The following THUMPD3 variants were observed in gnomAD, a reference collection of about 807,000 sequenced individuals.
The protein encoded by THUMPD3 is THUMP domain 3 tRNA guanosine methyltransferase, also known as tRNA (guanine(6)-N(2))-methyltransferase THUMP3.
In THUMPD3, 44 loss-of-function variants were observed where a neutral mutation model predicts 54.5. That is an observed-to-expected ratio of 0.81 (90% CI 0.63 to 1.04). THUMPD3 has a LOEUF of 1.04. THUMPD3 is among the 50% of genes least tolerant of loss of function. The pLI is 0.00. For missense variants in THUMPD3, 604 were observed against 601.3 expected, an observed-to-expected ratio of 1.00 and a Z score of -0.05; for synonymous variants, 196 against 201.4, an observed-to-expected ratio of 0.97 and a Z score of 0.23.
chr3:9,378,795 TAA>T (rs1236014146), intron 6 of THUMPD3, among the ~76,000 whole-genome samples: 17 of 152,164 alleles, frequency 1.1e-4, no homozygotes, highest in Admixed American at 1.1e-3. Flanking sequence ...TACTGTGGCT[TAA>T]AGAGACTGCA....
Position 9,385,301 on chromosome 3 carries a change from C to G in THUMPD3, c.*613C>G, listed in dbSNP as rs1231205586. The stretch of plus-strand genomic sequence containing the variant: ...ACATTTTATTTTCAGGCTTTATGGC[C>G]TATTTTCCATTGTGTCAAGTGCAAA... On this transcript the variant is annotated 3_prime_UTR_variant, in exon 10 of 10. Coordinates refer to ENST00000452837, the MANE Select transcript of THUMPD3 (RefSeq NM_001114092.2). The G allele has an allele frequency of 6.6e-6, 1 of 152,256 alleles. No homozygotes were observed. Among genetic ancestry groups the G allele is most frequent in the South Asian group, 2.1e-4 (1 of 4,830 alleles). 9.4% of individuals were successfully genotyped at this position (152,256 alleles called of 1,614,324 possible).
chr3:9,367,845 C>T (rs922965685), intron 3 of THUMPD3, among the ~76,000 whole-genome samples: 1 of 152,104 alleles, frequency 6.6e-6, no homozygotes, highest in Non-Finnish European at 1.5e-5. Context: ...GCGGGTGGAT[C>T]ATGAGGTCAG....
intron 3 of THUMPD3, among the ~76,000 whole-genome samples, chr3:9,367,626 C>CT (rs770111194): frequency 5.3e-5 from 8 of 152,116 alleles, no homozygotes; most frequent in Non-Finnish European, 1.0e-4. Context: ...TAGAAATAAT[C>CT]TTTTTAAAAA....
rs929857927 is a variant in THUMPD3 at position 9,384,927 on chromosome 3, C to T, written c.*239C>T. ...TTAGGAAGCCGAAGTGTGCAGATCA[C>T]CTGAGGTCCGGAGACCAGCCTGGCC... On this transcript the variant is annotated 3_prime_UTR_variant, in exon 10 of 10. Coordinates refer to ENST00000452837, the MANE Select transcript of THUMPD3 (RefSeq NM_001114092.2). 7 of 436,382 alleles carry T rather than the reference C, an allele frequency of 1.6e-5. 1 individual carries two copies. Among genetic ancestry groups the T allele is most frequent in the Admixed American group, 1.1e-4 (3 of 26,568 alleles). The allele number at this position is 436,382 out of a possible 1,614,324, so 27.0% of individuals were successfully genotyped here.
In THUMPD3 at chr3:9,384,577, C is replaced by T. The variant is rs1308341649; in HGVS notation, c.1413C>T (p.Asn471=). The change falls in exon 10 of 10, where the codon AAC becomes AAT. Residue 471 remains asparagine (N), a synonymous_variant. Transcript: ENST00000452837. ...GAAAGGTGGATACAGTCTGGGTGAACGTTGGTGGTCTTCGTGCTGCAGTTT... is the reference window on the plus strand; with the variant it reads ...GAAAGGTGGATACAGTCTGGGTGAATGTTGGTGGTCTTCGTGCTGCAGTTT... The part of the protein sequence containing the change: ...VWRKVDTVWV[N]VGGLRAAVYV... The T allele has an allele frequency of 1.3e-5, 21 of 1,613,990 alleles. No individual in the cohort carries two copies. In the East Asian group the frequency reaches 3.8e-4, roughly 29 times the overall value.
At chr3:9,380,375 A>G (rs578080008) in intron 6 of THUMPD3, 128 bp from the exon 7 acceptor site, 5 of 625,512 alleles carry the variant, frequency 8.0e-6, no homozygotes, top group African/African-American at 5.6e-5. Context: ...AGCCAGGGAA[A>G]TAGCACAGTT....
chr3:9,372,346 G>A (rs1273326619), intron 4 of THUMPD3, among the ~76,000 whole-genome samples: 2 of 152,112 alleles, frequency 1.3e-5, no homozygotes, highest in East Asian at 1.9e-4. Flanking sequence ...GAGGGAGGCC[G>A]AGGCAGGTGG....
At position 9,384,105 on chromosome 3, in the gene THUMPD3, A is replaced by G. The variant is rs984533953; in HGVS notation, c.1236-107A>G. 9 of 1,237,622 alleles carry G rather than the reference A, an allele frequency of 7.3e-6. No individual in the cohort carries two copies. In the South Asian group the frequency reaches 1.0e-4, roughly 14 times the overall value. The allele number at this position is 1,237,622 out of a possible 1,614,324, so 76.7% of individuals were successfully genotyped here. A position where few individuals can be genotyped will look rare whatever the true frequency, so the allele number is the denominator to read the frequency against. On this transcript the variant is annotated intron_variant, in intron 8 of 9. Coordinates refer to ENST00000452837, the MANE Select transcript of THUMPD3 (RefSeq NM_001114092.2). ...TGGCAAAGGTCTGGTTTCTAAAACT[A>G]CAGCTATTTTTCATGCCTCAGGATG... is the stretch of plus-strand genomic sequence containing the variant.
intron 7 of THUMPD3, 196 bp from the exon 8 acceptor site, chr3:9,383,003 A>AT: frequency 2.2e-6 from 1 of 460,336 alleles, no homozygotes; most frequent in Non-Finnish European, 4.0e-6. Context: ...TGCTGATTAT[A>AT]GGCACAAGCT....
intron 7 of THUMPD3, among the ~76,000 whole-genome samples, chr3:9,381,702 C>T (rs1452797051): frequency 8.6e-6 from 1 of 116,084 alleles, no homozygotes; most frequent in Non-Finnish European, 1.7e-5. Flanking sequence ...ACGTACCTTT[C>T]TAGCTTCTGA....
At chr3:9,373,312 G>A (rs2032204303) in intron 4 of THUMPD3, among the ~76,000 whole-genome samples, 2 of 151,992 alleles carry the variant, frequency 1.3e-5, no homozygotes, top group Admixed American at 1.3e-4. Flanking sequence ...AGGCGACATA[G>A]GGAGACCCTG....
chr3:9,371,859 A>G (rs769889059), intron 4 of THUMPD3, among the ~76,000 whole-genome samples: 2 of 152,182 alleles, frequency 1.3e-5, no homozygotes, highest in African/African-American at 2.4e-5. Flanking sequence ...GATGGAAGCC[A>G]TCAAGGTTGA....
At chr3:9,367,948 C>G (rs2031695187) in intron 3 of THUMPD3, among the ~76,000 whole-genome samples, 1 of 151,816 alleles carries the variant, frequency 6.6e-6, no homozygotes, top group Admixed American at 6.6e-5. Context: ...GCCTGTAGTC[C>G]CAGCTACTCA....
rs780367132 is a variant in THUMPD3 at position 9,377,780 on chromosome 3, T to C, written c.939-39T>C. Reference sequence around the variant, plus strand: ...ATCATCAGTATAGAAGCCTCAGCTTTTGAGTGAGTCTTCACATAGGCTGTT... The same window carrying C: ...ATCATCAGTATAGAAGCCTCAGCTTCTGAGTGAGTCTTCACATAGGCTGTT... On this transcript the variant is annotated intron_variant, in intron 5 of 9. Transcript: ENST00000452837. 2.6e-6 allele frequency: 4 copies of C among 1,530,314 alleles called. No individual in the cohort carries two copies. In the East Asian group the frequency reaches 9.0e-5, roughly 34 times the overall value. The allele number at this position is 1,530,314 out of a possible 1,614,324, so 94.8% of individuals were successfully genotyped here.
chr3:9,368,417 C>T (rs1206445603), intron 3 of THUMPD3, among the ~76,000 whole-genome samples: 4 of 144,140 alleles, frequency 2.8e-5, no homozygotes, highest in African/African-American at 5.2e-5. Context: ...GGCTGGAGTG[C>T]AGTGGCACAA....
At chr3:9,374,258 A>C (rs1196986016) in intron 4 of THUMPD3, among the ~76,000 whole-genome samples, 1 of 152,202 alleles carries the variant, frequency 6.6e-6, no homozygotes, top group Non-Finnish European at 1.5e-5. Context: ...TTTATAACAC[A>C]AACATATTTT....
At chr3:9,369,932 A>ATG (rs957160353) in intron 3 of THUMPD3, among the ~76,000 whole-genome samples, 34 of 152,066 alleles carry the variant, frequency 2.2e-4, no homozygotes, top group Admixed American at 1.5e-3. Context: ...TGGAAGGTTT[A>ATG]TGTGTGTGTG....
At chr3:9,379,340 C>T (rs2596917) in intron 6 of THUMPD3, among the ~76,000 whole-genome samples, 19,560 of 151,940 alleles carry the variant, frequency 0.13, 2,170 homozygotes, top group East Asian at 0.35. Flanking sequence ...TTGATGTCAT[C>T]GTAGGATTGT....
chr3:9,363,492 C>G (rs1272879617), intron 1 of THUMPD3: 1 of 152,082 alleles, frequency 6.6e-6, no homozygotes, highest in Non-Finnish European at 1.5e-5. Flanking sequence ...TAAACACTGT[C>G]GTGTATCGCT....
Sources: allele counts gnomAD v4.1 joint callset (sites outside exome capture counted in the v4.1 genomes callset), GRCh38; gene constraint gnomAD v4.1.1; transcripts MANE v1.5; gene names NCBI Gene and HGNC (gene_info 2026-07-23, HGNC 2026-07-21).